FAM135B: variants seen among roughly 807,000 people sequenced by gnomAD.
FAM135B encodes family with sequence similarity 135 member B.
FAM135B carries 43 observed loss-of-function variants against 127.7 expected under a neutral mutation model. The ratio of observed to expected loss-of-function variants is 0.34; its 90% CI spans 0.26 to 0.43. FAM135B has a LOEUF of 0.43. Ranked by LOEUF, FAM135B falls within the 20% of genes least tolerant of loss-of-function variation. The pLI is 1.00. For missense variants in FAM135B, 1,558 were observed against 1,725.6 expected (o/e 0.90, Z 1.72); for synonymous variants, 670 against 665.1 (o/e 1.01, Z -0.11).
intron 2 of FAM135B, chr8:138,367,345 A>AG (rs1374154113): frequency 2.2e-6 from 1 of 455,728 alleles, no homozygotes; most frequent in South Asian, 1.6e-5. Flanking sequence ...TGAGCCTTGG[A>AG]GGTAAGTCTA....
At chr8:138,148,492 TG>T (rs768486168) in intron 14 of FAM135B, 27 bp downstream of exon 14, 2 of 1,596,506 alleles carry the variant, frequency 1.3e-6, no homozygotes, top group African/African-American at 2.7e-5. Context: ...TGACAGAATT[TG>T]GGAAGAAAAC....
intron 5 of FAM135B, among the ~76,000 whole-genome samples, chr8:138,256,318 G>T (rs920745431): frequency 1.3e-5 from 2 of 152,184 alleles, no homozygotes; most frequent in African/African-American, 4.8e-5. Context: ...AATCCTGGAA[G>T]AATCTCCTTT....
rs117290517 is a variant in FAM135B, at chr8:138,277,307, G to A, written c.158-11465C>T. ...ACACAGTCTGTCTGTGCATGGACAC[G>A]GGAATTCCTTCAGGGAGAGGTTCCC... On this transcript the variant is annotated intron_variant, in intron 3 of 19. Coordinates refer to ENST00000395297, the MANE Select transcript of FAM135B (RefSeq NM_015912.4). Among the ~76,000 whole-genome samples the A allele has an allele frequency of 6.8e-3, 1,041 of 152,192 alleles. 12 individuals are homozygous for A. The highest frequency in any genetic ancestry group is 0.012 in the Admixed American group (187 of 15,290).
intron 2 of FAM135B, among the ~76,000 whole-genome samples, chr8:138,361,071 G>T (rs543479038): frequency 6.6e-6 from 1 of 152,138 alleles, no homozygotes; most frequent in African/African-American, 2.4e-5. Context: ...GATTATAGGT[G>T]CATGCCACCA....
intron 2 of FAM135B, among the ~76,000 whole-genome samples, chr8:138,316,499 A>G (rs1267437167): frequency 6.6e-6 from 1 of 151,444 alleles, no homozygotes. Flanking sequence ...GTCTCAAAAA[A>G]CAAAAAACAA....
chr8:138,249,641 T>A (rs138791933), intron 6 of FAM135B, among the ~76,000 whole-genome samples: 248 of 152,064 alleles, frequency 1.6e-3, no homozygotes, highest in African/African-American at 5.6e-3. Context: ...GTGGCATGGG[T>A]CAGATTGGGT....
chr8:138,497,614 G>A (rs948045285), upstream of FAM135B, among the ~76,000 whole-genome samples: 4 of 152,146 alleles, frequency 2.6e-5, no homozygotes, highest in Non-Finnish European at 5.9e-5. Context: ...TAAAAGCGCT[G>A]AGCAACCCAT....
At chr8:138,368,117 T>C (rs1830875276) in intron 1 of FAM135B, 115 bp from the exon 2 acceptor site, 2 of 690,732 alleles carry the variant, frequency 2.9e-6, no homozygotes, top group Non-Finnish European at 5.1e-6. Flanking sequence ...GTAGCGTGTG[T>C]CCACTGAACG....
chr8:138,256,850 A>G (rs1190799406), intron 4 of FAM135B, 91 bp from the exon 5 acceptor site: 1 of 942,872 alleles, frequency 1.1e-6, no homozygotes, highest in Admixed American at 2.0e-5. Context: ...GTAGAGAAAC[A>G]CTATCTTGTC....
At chr8:138,403,315 C>T (rs895314443) in intron 1 of FAM135B, among the ~76,000 whole-genome samples, 12 of 152,044 alleles carry the variant, frequency 7.9e-5, no homozygotes, top group South Asian at 2.1e-4. Flanking sequence ...CATGCTTTTA[C>T]GTGAGAGAAC....
intron 1 of FAM135B, among the ~76,000 whole-genome samples, chr8:138,406,037 C>A (rs1251024039): frequency 3.8e-5 from 2 of 52,926 alleles, no homozygotes; most frequent in Non-Finnish European, 6.8e-5. Context: ...GGTTCATATC[C>A]TTTGCCTACT....
chr8:138,133,136 AG>A (rs1199966403), intron 19 of FAM135B, among the ~76,000 whole-genome samples: 2 of 152,192 alleles, frequency 1.3e-5, no homozygotes, highest in Non-Finnish European at 2.9e-5. Context: ...GAGGACCCTC[AG>A]AGTTTCAAGT....
At chr8:138,371,562 A>G (rs79411816) in intron 1 of FAM135B, among the ~76,000 whole-genome samples, 2,074 of 152,254 alleles carry the variant, frequency 0.014, 39 homozygotes, top group African/African-American at 0.047. Context: ...AAGTGTCAGC[A>G]TACATCATGC....
At chr8:138,218,058 A>G (rs1229766086) in intron 7 of FAM135B, among the ~76,000 whole-genome samples, 1 of 152,204 alleles carries the variant, frequency 6.6e-6, no homozygotes, top group Non-Finnish European at 1.5e-5. Context: ...TAATTGGTAG[A>G]CTTTAATGGG....
intron 1 of FAM135B, among the ~76,000 whole-genome samples, chr8:138,469,720 A>G (rs543568757): frequency 7.9e-5 from 12 of 152,332 alleles, no homozygotes; most frequent in African/African-American, 2.9e-4. Context: ...AACTTCTCTG[A>G]ATTGTCATGC....
intron 7 of FAM135B, among the ~76,000 whole-genome samples, chr8:138,225,481 A>C (rs992347081): frequency 6.6e-6 from 1 of 151,954 alleles, no homozygotes; most frequent in Non-Finnish European, 1.5e-5. Flanking sequence ...AAACAAAAAA[A>C]ACAAAAACAA....
At chr8:138,353,855 G>A (rs1829925050) in intron 2 of FAM135B, among the ~76,000 whole-genome samples, 1 of 152,072 alleles carries the variant, frequency 6.6e-6, no homozygotes, top group Non-Finnish European at 1.5e-5. Context: ...ATGAATCCCA[G>A]CCCAGATTCT....
chr8:138,370,355 C>T (rs1831035211), intron 1 of FAM135B, among the ~76,000 whole-genome samples: 1 of 152,034 alleles, frequency 6.6e-6, no homozygotes. Context: ...GGGAAATTGC[C>T]TTTTCCTTTA....
At chr8:138,457,269 G>A (rs1836840153) in intron 1 of FAM135B, among the ~76,000 whole-genome samples, 2 of 152,102 alleles carry the variant, frequency 1.3e-5, no homozygotes, top group African/African-American at 4.8e-5. Context: ...CTCCAACACT[G>A]AGCAGGAGTG....
Sources: allele counts gnomAD v4.1 joint callset (sites outside exome capture counted in the v4.1 genomes callset), GRCh38; gene constraint gnomAD v4.1.1; transcripts MANE v1.5; gene names NCBI Gene and HGNC (gene_info 2026-07-23, HGNC 2026-07-21).